The following MLYCD variants were observed in gnomAD, a reference collection of about 807,000 sequenced individuals.
MLYCD encodes malonyl-CoA decarboxylase, mitochondrial.
A neutral mutation model predicts 35.8 loss-of-function variants in MLYCD; 27 were observed. That is an observed-to-expected ratio of 0.75 (90% CI 0.56 to 1.04). MLYCD has a LOEUF of 1.04. Among genes scored for constraint, MLYCD ranks in the 50% least tolerant of loss-of-function variants. The pLI, the probability that MLYCD is intolerant of heterozygous loss-of-function variation, is 0.00. For synonymous variants in MLYCD, 403 were observed against 302.4 expected, an observed-to-expected ratio of 1.33 and a Z score of -3.45; for missense variants, 917 against 665.1, an observed-to-expected ratio of 1.38 and a Z score of -4.17.
In MLYCD at chr16:83,917,101, T is replaced by G. The variant is rs1346106414; in HGVS notation, c.*1612T>G. ...GCGTGTGCACGAGCGTCTCTGTGGATCAGTGCACGTCTGTGTGCGTGTGCA... is the reference window on the plus strand; with the variant it reads ...GCGTGTGCACGAGCGTCTCTGTGGAGCAGTGCACGTCTGTGTGCGTGTGCA... On this transcript the variant is annotated 3_prime_UTR_variant, in exon 5 of 5. Transcript: ENST00000262430. 1.2e-4 allele frequency: 2 copies of G among 17,136 alleles called. 1 individual carries two copies. Among genetic ancestry groups the G allele is most frequent in the Admixed American group, 1.4e-3 (2 of 1,442 alleles). 1.1% of individuals were successfully genotyped at this position (17,136 alleles called of 1,614,324 possible). A position where few individuals can be genotyped will look rare whatever the true frequency, so the allele number is the denominator to read the frequency against.
intron 4 of MLYCD, 95 bp downstream of exon 4, chr16:83,912,462 T>A: frequency 6.5e-7 from 1 of 1,538,530 alleles, no homozygotes; most frequent in Non-Finnish European, 8.9e-7. Flanking sequence ...GGGACACAGA[T>A]GAAGACAGGA....
rs926898237 is a variant in MLYCD, at chr16:83,911,164, G to C, written c.799-1054G>C. ...GCTCATTTTTTTTGTATTTTTAGTA[G>C]AGACGGGGTTTCACCGTGTTAGCCA... On this transcript the variant is annotated intron_variant, in intron 3 of 4. Transcript: ENST00000262430. 3.9e-5 allele frequency among the ~76,000 whole-genome samples: 6 copies of C among 151,998 alleles called. No individual in the cohort carries two copies. The South Asian group carries it at 1.0e-3, about 26-fold the overall frequency.
rs1597299362 is a variant in MLYCD at position 83,920,268 on chromosome 16, C to T, written c.*4779C>T. The stretch of plus-strand genomic sequence containing the variant: ...TTCTGTTTGCGATAAAAACAGATCT[C>T]CTCCAGCTCACGTGAGGCTAGGCAC... On this transcript the variant is annotated 3_prime_UTR_variant, in exon 5 of 5. Coordinates refer to ENST00000262430, the MANE Select transcript of MLYCD (RefSeq NM_012213.3). 1.3e-5 allele frequency: 2 copies of T among 152,206 alleles called. No individual in the cohort carries two copies. Among genetic ancestry groups the T allele is most frequent in the East Asian group, 1.9e-4 (1 of 5,184 alleles). 9.4% of individuals were successfully genotyped at this position (152,206 alleles called of 1,614,324 possible).
At chr16:83,910,299 C>G (rs578237497) in intron 3 of MLYCD, among the ~76,000 whole-genome samples, 1 of 150,578 alleles carries the variant, frequency 6.6e-6, no homozygotes, top group Non-Finnish European at 1.5e-5. Context: ...ACTTGTATAA[C>G]CGAAGAAAGT....
At chr16:83,913,895 A>C (rs1907277101) in intron 4 of MLYCD, 1 of 151,830 alleles carries the variant, frequency 6.6e-6, no homozygotes, top group Non-Finnish European at 1.5e-5. Flanking sequence ...GGTGAGGAAA[A>C]TCATAATAGG....
chr16:83,923,184 CCT>C lies in MLYCD; in HGVS notation c.*7697_*7698del, dbSNP rs1347428563. On this transcript the variant is annotated 3_prime_UTR_variant, in exon 5 of 5. Coordinates refer to ENST00000262430, the MANE Select transcript of MLYCD (RefSeq NM_012213.3). ...TTGCTCCCAAGAGGGCTTCCCTCCTCCTCGTTCTGTGTGGCCTCAGAAGTGAG... is the reference window on the plus strand; with the variant it reads ...TTGCTCCCAAGAGGGCTTCCCTCCTCCGTTCTGTGTGGCCTCAGAAGTGAG... 1 of 152,296 alleles carries C rather than the reference CCT, an allele frequency of 6.6e-6. No individual in the cohort carries two copies. The highest frequency in any genetic ancestry group is 1.9e-4 in the East Asian group (1 of 5,198). 9.4% of individuals were successfully genotyped at this position (152,296 alleles called of 1,614,324 possible). A position where few individuals can be genotyped will look rare whatever the true frequency, so the allele number is the denominator to read the frequency against.
In MLYCD at chr16:83,915,549, G is replaced by C. The variant is rs987753826; in HGVS notation, c.*60G>C. On this transcript the variant is annotated 3_prime_UTR_variant, in exon 5 of 5. Coordinates refer to ENST00000262430, the MANE Select transcript of MLYCD (RefSeq NM_012213.3). The stretch of plus-strand genomic sequence containing the variant: ...AAGAAAACGATCATTTTCAGGAGGG[G>C]CCGGGAGTTATGTATCTGAAGCAGC... 9 of 1,587,788 alleles carry C rather than the reference G, an allele frequency of 5.7e-6. No individual in the cohort carries two copies. Among genetic ancestry groups the C allele is most frequent in the South Asian group, 1.1e-5 (1 of 89,064 alleles).
chr16:83,915,810 T>C lies in MLYCD; in HGVS notation c.*321T>C. 1 of 1,261,016 alleles carries C rather than the reference T, an allele frequency of 7.9e-7. No individual in the cohort carries two copies. The highest frequency in any genetic ancestry group is 1.0e-6 in the Non-Finnish European group (1 of 990,754). 78.1% of individuals were successfully genotyped at this position (1,261,016 alleles called of 1,614,324 possible). ...TGTGGTACCTACATCTTCAGGAAGCTGTGCAGCCTCTGCCATTGCCATCCC... is the reference window on the plus strand; with the variant it reads ...TGTGGTACCTACATCTTCAGGAAGCCGTGCAGCCTCTGCCATTGCCATCCC... On this transcript the variant is annotated 3_prime_UTR_variant, in exon 5 of 5. Transcript: ENST00000262430.
In MLYCD at chr16:83,915,216, C is replaced by G. The variant is rs774773160; in HGVS notation, c.1209C>G (p.Ala403=). 1.1e-5 allele frequency: 18 copies of G among 1,613,882 alleles called. No individual in the cohort carries two copies. The highest frequency in any genetic ancestry group is 1.5e-5 in the Non-Finnish European group (18 of 1,179,854). Residue 403 remains alanine (A), a synonymous_variant, in exon 5 of 5, where the codon GCC becomes GCG. Coordinates refer to ENST00000262430, the MANE Select transcript of MLYCD (RefSeq NM_012213.3). ...AGACTCCGCTGATGAGGCTGTGCGC[C>G]TGGTACCTGTATGGAGAGAAGCACC... ...ALQTPLMRLC[A]WYLYGEKHRG...
rs763327709 is a variant in MLYCD, at chr16:83,899,540, G to T, written c.396G>T (p.Ala132=). Residue 132 remains alanine (A), a synonymous_variant, in exon 1 of 5, where the codon GCG becomes GCT. Transcript: ENST00000262430. ...AGGCCGAGGACCGGCTGCGCTACGC[G>T]CTGGTGCCGCGCTATCGCGGCCTCT... is the stretch of plus-strand genomic sequence containing the variant. ...LLQAEDRLRY[A]LVPRYRGLFH... 1.3e-6 allele frequency: 2 copies of T among 1,591,684 alleles called. No individual in the cohort carries two copies. Among genetic ancestry groups the T allele is most frequent in the Admixed American group, 1.7e-5 (1 of 59,682 alleles).
chr16:83,909,554 C>T (rs930765276), intron 3 of MLYCD, among the ~76,000 whole-genome samples: 7 of 151,398 alleles, frequency 4.6e-5, no homozygotes, highest in Admixed American at 1.3e-4. Flanking sequence ...CTGTGCCTGT[C>T]AGTCTGTGAA....
intron 4 of MLYCD, 148 bp downstream of exon 4, chr16:83,912,515 C>T: frequency 1.9e-6 from 2 of 1,035,860 alleles, no homozygotes; most frequent in Non-Finnish European, 2.9e-6. Context: ...CCAGAGACCC[C>T]TTGGCAACTC....
intron 1 of MLYCD, among the ~76,000 whole-genome samples, chr16:83,905,531 T>A (rs1906942569): frequency 6.6e-6 from 1 of 152,206 alleles, no homozygotes; most frequent in Admixed American, 6.5e-5. Context: ...TGAATCTTGT[T>A]GCTCTGCCGA....
rs1907658040 is a variant in MLYCD at position 83,921,647 on chromosome 16, C to G, written c.*6158C>G. The G allele has an allele frequency of 6.6e-6, 1 of 152,044 alleles. No homozygotes were observed. Among genetic ancestry groups the G allele is most frequent in the Non-Finnish European group, 1.5e-5 (1 of 68,030 alleles). 9.4% of individuals were successfully genotyped at this position (152,044 alleles called of 1,614,324 possible). A position where few individuals can be genotyped will look rare whatever the true frequency, so the allele number is the denominator to read the frequency against. The stretch of plus-strand genomic sequence containing the variant: ...ATGATACTGCACTGAACCAATATTC[C>G]CCTCACTTCATGGGTGTTACAAACC... On this transcript the variant is annotated 3_prime_UTR_variant, in exon 5 of 5. Coordinates refer to ENST00000262430, the MANE Select transcript of MLYCD (RefSeq NM_012213.3).
rs767647601 is a variant in MLYCD at position 83,908,183 on chromosome 16, C to T, written c.699C>T (p.Pro233=). Residue 233 remains proline (P), a synonymous_variant, in exon 3 of 5, where the codon CCC becomes CCT. Transcript: ENST00000262430. ...NWMDMKRRVG[P]YRRCYFFSHC... Reference sequence around the variant, plus strand: ...TGGACATGAAGCGCCGCGTTGGGCCCTACAGAAGGTGTTACTTCTTTTCTC... The same window carrying T: ...TGGACATGAAGCGCCGCGTTGGGCCTTACAGAAGGTGTTACTTCTTTTCTC... 6.2e-7 allele frequency: 1 copy of T among 1,614,190 alleles called. No individual in the cohort carries two copies. The highest frequency in any genetic ancestry group is 8.5e-7 in the Non-Finnish European group (1 of 1,180,038).
At chr16:83,902,378 G>A (rs1048268618) in intron 1 of MLYCD, among the ~76,000 whole-genome samples, 1 of 150,988 alleles carries the variant, frequency 6.6e-6, no homozygotes, top group African/African-American at 2.4e-5. Context: ...AATCCCTGTC[G>A]CTTAAATCAG....
At chr16:83,900,635 A>G (rs1473916795) in intron 1 of MLYCD, among the ~76,000 whole-genome samples, 1 of 134,346 alleles carries the variant, frequency 7.4e-6, no homozygotes, top group African/African-American at 2.9e-5. Context: ...CATGTGGCCC[A>G]GGCTTAACCT....
rs1907343183 is a variant in MLYCD, at chr16:83,915,378, C to T, written c.1371C>T (p.Phe457=). 6.2e-7 allele frequency: 1 copy of T among 1,613,910 alleles called. No individual in the cohort carries two copies. Among genetic ancestry groups the T allele is most frequent in the South Asian group, 1.1e-5 (1 of 91,090 alleles). The change falls in exon 5 of 5, where the codon TTC becomes TTT. Residue 457 remains phenylalanine, a synonymous_variant. Transcript: ENST00000262430. ...GCCTGATGGCCAACTACCGCTACTT[C>T]CTGGAGGAGACGGGCCCCAACAGCA... ...SCGLMANYRY[F]LEETGPNSTS... is the part of the protein sequence containing the mutation.
intron 4 of MLYCD, chr16:83,913,222 G>A (rs984663796): frequency 6.6e-6 from 1 of 152,224 alleles, no homozygotes; most frequent in Non-Finnish European, 1.5e-5. Flanking sequence ...ATTCAGCTGG[G>A]CGTGGGCTTC....
Sources: gnomAD v4.1 joint callset for allele counts (sites outside exome capture counted in the v4.1 genomes callset) on GRCh38, gnomAD v4.1.1 for gene constraint, MANE v1.5 for transcripts, NCBI Gene and HGNC (gene_info 2026-07-23, HGNC 2026-07-21) for gene names.